The following PHKA1 variants were observed in gnomAD, a reference collection of about 807,000 sequenced individuals.
PHKA1 encodes phosphorylase b kinase regulatory subunit alpha, skeletal muscle isoform.
A neutral mutation model predicts 110.2 loss-of-function variants in PHKA1; 60 were observed. The observed-to-expected ratio is 0.54, with a 90% CI of 0.44 to 0.68. PHKA1 has a LOEUF of 0.68. Ranked by LOEUF, PHKA1 falls within the 30% of genes least tolerant of loss-of-function variation. PHKA1 has a pLI of 0.00. For synonymous variants in PHKA1, 316 were observed against 333.6 expected (o/e 0.95, Z 0.58); for missense variants, 801 against 942.5 (o/e 0.85, Z 1.97).
At chrX:72,709,698 A>G in intron 2 of PHKA1, among the ~76,000 whole-genome samples, 1 of 110,695 alleles carries the variant, frequency 9.0e-6, no homozygotes, top group Non-Finnish European at 1.9e-5. Flanking sequence ...CCACTTCCAG[A>G]GATTCATATT....
intron 25 of PHKA1, among the ~76,000 whole-genome samples, chrX:72,604,163 AC>A (rs1199533662): frequency 9.0e-6 from 1 of 110,701 alleles, no homozygotes; most frequent in Non-Finnish European, 1.9e-5. Context: ...AAAAAAAAAA[AC>A]AACATTATAC....
chrX:72,680,318 A>C (rs1556313678), intron 5 of PHKA1, among the ~76,000 whole-genome samples: 1 of 112,378 alleles, frequency 8.9e-6, no homozygotes, highest in South Asian at 3.7e-4. Flanking sequence ...CCAGCCATAA[A>C]AGAAACTTTT....
Position 72,657,550 on chromosome X carries a change from A to T in PHKA1, c.918+38T>A, listed in dbSNP as rs782294257. On this transcript the variant is annotated intron_variant, in intron 9 of 31. Transcript: ENST00000373542. ...AATGAGGCTGCAGGTAGAAGTGGCC[A>T]TTCTACCTTGGATTCATTTTGGAGA... The T allele has an allele frequency of 5.6e-6, 6 of 1,077,882 alleles. No individual in the cohort carries two copies. The South Asian group carries it at 1.1e-4, about 20-fold the overall frequency. The allele number at this position is 1,077,882 out of a possible 1,213,427, so 88.8% of individuals were successfully genotyped here.
chrX:72,622,783 CT>C (rs1331579726), intron 18 of PHKA1: 4 of 745,739 alleles, frequency 5.4e-6, no homozygotes, highest in Non-Finnish European at 4.7e-6. Flanking sequence ...TATTATTTTC[CT>C]ACTTCATACT....
chrX:72,583,216 G>A lies in PHKA1; in HGVS notation c.3298-618C>T, dbSNP rs183891619. On this transcript the variant is annotated intron_variant, in intron 30 of 31. Transcript: ENST00000373542. ...GTAGATTTGGAGTATAAAGACTTGG[G>A]TTCAAGTCTTATCTTTGTTACTTAC... Among the ~76,000 whole-genome samples the A allele has an allele frequency of 4.5e-5, 5 of 111,370 alleles. No homozygotes were observed. The East Asian group carries it at 1.4e-3, about 31-fold the overall frequency.
At chrX:72,603,302 G>C in intron 25 of PHKA1, 82 bp from the exon 26 acceptor site, 1 of 594,414 alleles carries the variant, frequency 1.7e-6, no homozygotes, top group Admixed American at 2.6e-5. Context: ...TTCTTTTCTT[G>C]CTTAGAATTT....
At chrX:72,656,059 A>C (rs1443382826) in intron 10 of PHKA1, 61 bp downstream of exon 10, 1 of 1,165,734 alleles carries the variant, frequency 8.6e-7, no homozygotes, top group African/African-American at 1.8e-5. Flanking sequence ...TTGGTATACT[A>C]TTAGCTGTAA....
chrX:72,664,244 C>G (rs1603266218), intron 8 of PHKA1, among the ~76,000 whole-genome samples: 1 of 110,641 alleles, frequency 9.0e-6, no homozygotes, highest in African/African-American at 3.3e-5. Context: ...AAAAGATGTT[C>G]CATGCAAATA....
Position 72,618,827 on chromosome X carries a change from A to G in PHKA1, c.2252T>C (p.Ile751Thr). ...CCCAGACTGGTCTCTAGGAAGATGT[A>G]TTTCTACACGAACAGAGGGAACCTT... is the stretch of plus-strand genomic sequence containing the variant. The part of the protein sequence containing the change: ...ENQVPSVRVE[I>T]HLPRDQSGEV... The change falls in exon 21 of 32, where the codon ATA becomes ACA. Residue 751 changes from isoleucine to threonine, a missense_variant. This residue lies in a region of PHKA1 where 502 missense variants were observed against 519.2 expected (regional missense o/e 0.97). Coordinates refer to ENST00000373542, the MANE Select transcript of PHKA1 (RefSeq NM_002637.4). 1 of 1,205,057 alleles carries G rather than the reference A, an allele frequency of 8.3e-7. No homozygotes were observed. Among genetic ancestry groups the G allele is most frequent in the Non-Finnish European group, 1.1e-6 (1 of 889,462 alleles).
intron 16 of PHKA1, among the ~76,000 whole-genome samples, chrX:72,632,976 A>G (rs1458886751): frequency 8.9e-6 from 1 of 112,202 alleles, no homozygotes; most frequent in Non-Finnish European, 1.9e-5. Context: ...AGTACCAAAA[A>G]TGCTTGATTT....
At chrX:72,706,475 C>G in intron 2 of PHKA1, among the ~76,000 whole-genome samples, 1 of 111,525 alleles carries the variant, frequency 9.0e-6, no homozygotes, top group Non-Finnish European at 1.9e-5. Context: ...TTAACACAAC[C>G]TCTTCTGTGG....
At chrX:72,685,628 A>G (rs1326955080) in intron 4 of PHKA1, among the ~76,000 whole-genome samples, 1 of 112,301 alleles carries the variant, frequency 8.9e-6, no homozygotes, top group East Asian at 2.7e-4. Flanking sequence ...AAATTTACTA[A>G]GCAGTTAACT....
intron 6 of PHKA1, among the ~76,000 whole-genome samples, chrX:72,671,374 T>C (rs2053695526): frequency 9.0e-6 from 1 of 110,777 alleles, no homozygotes; most frequent in South Asian, 3.9e-4. Context: ...GAATCCAACT[T>C]ACAAGGGATG....
At chrX:72,642,983 A>G (rs1343978047) in intron 14 of PHKA1, among the ~76,000 whole-genome samples, 2 of 111,553 alleles carry the variant, frequency 1.8e-5, no homozygotes, top group Non-Finnish European at 3.8e-5. Context: ...TCCTAAAGCC[A>G]GAAGCCATGT....
At chrX:72,652,130 T>C (rs1388202251) in intron 12 of PHKA1, among the ~76,000 whole-genome samples, 1 of 112,298 alleles carries the variant, frequency 8.9e-6, no homozygotes, top group Non-Finnish European at 1.9e-5. Context: ...TCACTTATCA[T>C]GGCACCTAAA....
Position 72,611,133 on chromosome X carries a change from T to C in PHKA1, c.2421A>G (p.Arg807=), listed in dbSNP as rs2074628934. 8.3e-7 allele frequency: 1 copy of C among 1,203,557 alleles called. No individual in the cohort carries two copies. The highest frequency in any genetic ancestry group is 1.8e-5 in the African/African-American group (1 of 56,966). The change falls in exon 22 of 32, where the codon AGA becomes AGG. Residue 807 remains arginine, a synonymous_variant. Coordinates refer to ENST00000373542, the MANE Select transcript of PHKA1 (RefSeq NM_002637.4). The part of the protein sequence containing the change: ...ELYNERSATV[R]ELLTELYGKV... ...TGCCATACAGCTCGGTAAGAAGCTC[T>C]CTCACTGTAGCACTCCGTTCATTAT... is the stretch of plus-strand genomic sequence containing the variant.
intron 19 of PHKA1, 134 bp downstream of exon 19, chrX:72,620,591 G>T: frequency 2.0e-6 from 1 of 501,775 alleles, no homozygotes; most frequent in East Asian, 3.6e-5. Flanking sequence ...TATGTTCTAG[G>T]TGCTGTCTGA....
chrX:72,666,125 G>A (rs782027076), intron 8 of PHKA1, 26 bp downstream of exon 8: 2 of 1,204,200 alleles, frequency 1.7e-6, no homozygotes, highest in South Asian at 3.6e-5. Context: ...CAGCCTTAAA[G>A]AAAACAAAGG....
chrX:72,679,941 T>G, intron 5 of PHKA1, among the ~76,000 whole-genome samples: 1 of 110,503 alleles, frequency 9.0e-6, no homozygotes. Context: ...GGACCCTAAA[T>G]AGAAGAAACG....
Sources: gnomAD v4.1 joint callset for allele counts (sites outside exome capture counted in the v4.1 genomes callset) on GRCh38, gnomAD v4.1.1 for gene constraint, gnomAD v4.1.1 regional missense constraint, MANE v1.5 for transcripts, NCBI Gene and HGNC (gene_info 2026-07-23, HGNC 2026-07-21) for gene names.